SHANK2: variants seen among roughly 807,000 people sequenced by gnomAD.
SHANK2 encodes the protein SH3 and multiple ankyrin repeat domains protein 2.
In SHANK2, 43 loss-of-function variants were observed where a neutral mutation model predicts 133.7. That is an observed-to-expected ratio of 0.32 (90% CI 0.25 to 0.41). SHANK2 has a LOEUF of 0.41. Ranked by LOEUF, SHANK2 falls within the 10% of genes least tolerant of loss-of-function variation. SHANK2 has a pLI of 1.00. For missense variants in SHANK2, 1,994 were observed against 2,235.8 expected, an observed-to-expected ratio of 0.89 and a Z score of 2.18; for synonymous variants, 1,017 against 952.8, an observed-to-expected ratio of 1.07 and a Z score of -1.24.
At chr11:70,599,460 A>G (rs11561013) in intron 17 of SHANK2, among the ~76,000 whole-genome samples, 343 of 121,228 alleles carry the variant, frequency 2.8e-3, no homozygotes, top group East Asian at 5.7e-3. Flanking sequence ...ACAGAAAATT[A>G]GCCGGGCGAG....
At chr11:70,828,680 G>T (rs1383496654) in intron 11 of SHANK2, among the ~76,000 whole-genome samples, 2 of 152,240 alleles carry the variant, frequency 1.3e-5, no homozygotes, top group African/African-American at 4.8e-5. Flanking sequence ...TGGCCTGGCT[G>T]CCTGCCCTGG....
chr11:70,882,335 A>G lies in SHANK2; in HGVS notation c.1174+14166T>C, dbSNP rs1949671638. Among the ~76,000 whole-genome samples the G allele has an allele frequency of 6.6e-6, 1 of 152,222 alleles. No homozygotes were observed. The highest frequency in any genetic ancestry group is 2.1e-4 in the South Asian group (1 of 4,832). On this transcript the variant is annotated intron_variant, in intron 11 of 25. Coordinates refer to ENST00000601538, the MANE Select transcript of SHANK2 (RefSeq NM_012309.5). The surrounding 1 kb of genome is among the most constrained non-coding windows in gnomAD (Gnocchi z 4.2). ...GGCCACTGCAGTGTGGAAGGCAGGC[A>G]GAAAGGCCCCTGGGCTGTGCCTGTA...
chr11:71,162,961 C>T (rs569176222), intron 2 of SHANK2, among the ~76,000 whole-genome samples: 132 of 150,480 alleles, frequency 8.8e-4, no homozygotes, highest in African/African-American at 3.2e-3. Flanking sequence ...TAGTCCCAGC[C>T]ACTCGGGAGG....
chr11:70,798,695 GA>G lies in SHANK2; in HGVS notation c.1664-140del, dbSNP rs1476856772. On this transcript the variant is annotated intron_variant, in intron 13 of 25. Transcript: ENST00000601538. ...CCTGCAGAGCAAGCGGCTCTGGTGT[GA>G]CTGCACTTCCTTCAGCTGCTGACAG... 7.9e-5 allele frequency: 50 copies of G among 631,036 alleles called. No individual in the cohort carries two copies. The East Asian group carries it at 1.4e-3, about 17-fold the overall frequency. 39.1% of individuals were successfully genotyped at this position (631,036 alleles called of 1,614,324 possible).
At chr11:70,662,149 G>T in intron 15 of SHANK2, 1 of 339,534 alleles carries the variant, frequency 2.9e-6, no homozygotes, top group South Asian at 3.0e-5. Context: ...TCAGCCAGAG[G>T]AGAAATGAGG....
intron 17 of SHANK2, among the ~76,000 whole-genome samples, chr11:70,526,766 C>T (rs1189314422): frequency 6.6e-6 from 1 of 152,058 alleles, no homozygotes; most frequent in Non-Finnish European, 1.5e-5. Context: ...CCACTCCTCC[C>T]CCTCCCCTAC....
intron 17 of SHANK2, among the ~76,000 whole-genome samples, chr11:70,519,643 G>A (rs1249841402): frequency 6.6e-6 from 1 of 151,646 alleles, no homozygotes; most frequent in African/African-American, 2.4e-5. Flanking sequence ...GTGAAACTCC[G>A]TCTCAAAAAA....
At chr11:70,562,137 G>A (rs1591583211) in intron 17 of SHANK2, among the ~76,000 whole-genome samples, 2 of 152,248 alleles carry the variant, frequency 1.3e-5, no homozygotes, top group East Asian at 1.9e-4. Context: ...TTTCTAATAC[G>A]ATTCCGTTTT....
chr11:70,473,687 T>G lies in SHANK2; in HGVS notation c.4980-248A>C. On this transcript the variant is annotated intron_variant, in intron 25 of 25. Coordinates refer to ENST00000601538, the MANE Select transcript of SHANK2 (RefSeq NM_012309.5). The surrounding 1 kb of genome is among the most constrained non-coding windows in gnomAD (Gnocchi z 5.9). ...CTCACCTGAACTGGGACAGAGGGGC[T>G]GGGGGACCTGCCTGTGCTGGGGGGA... 2 of 524,492 alleles carry G rather than the reference T, an allele frequency of 3.8e-6. No individual in the cohort carries two copies. Among genetic ancestry groups the G allele is most frequent in the African/African-American group, 2.0e-5 (1 of 50,840 alleles). The allele number at this position is 524,492 out of a possible 1,614,324, so 32.5% of individuals were successfully genotyped here.
At chr11:70,475,333 A>G (rs1251824802) in intron 25 of SHANK2, among the ~76,000 whole-genome samples, 2 of 152,180 alleles carry the variant, frequency 1.3e-5, no homozygotes, top group Non-Finnish European at 2.9e-5. Flanking sequence ...TGAACCTTAG[A>G]GGCCATTTGG....
At chr11:70,835,615 G>T (rs1251055963) in intron 11 of SHANK2, among the ~76,000 whole-genome samples, 1 of 152,168 alleles carries the variant, frequency 6.6e-6, no homozygotes, top group Admixed American at 6.5e-5. Flanking sequence ...AGGAACTAGA[G>T]CTGAGCTGGA....
intron 10 of SHANK2, among the ~76,000 whole-genome samples, chr11:70,918,402 T>G (rs1408331733): frequency 6.6e-6 from 1 of 152,230 alleles, no homozygotes; most frequent in Non-Finnish European, 1.5e-5. Flanking sequence ...CACCCACTTG[T>G]AGTTTCATCA....
At chr11:70,637,280 C>T (rs2061115636) in intron 17 of SHANK2, among the ~76,000 whole-genome samples, 1 of 152,138 alleles carries the variant, frequency 6.6e-6, no homozygotes, top group African/African-American at 2.4e-5. Context: ...GAGGGCAGGG[C>T]CTGCTCTTCC....
chr11:70,608,283 T>C (rs1282922729), intron 17 of SHANK2, among the ~76,000 whole-genome samples: 4 of 152,138 alleles, frequency 2.6e-5, no homozygotes, highest in Non-Finnish European at 5.9e-5. Flanking sequence ...AGAAGGGATA[T>C]TTCTTTCCTC....
chr11:70,652,360 C>A (rs972048964), intron 17 of SHANK2, among the ~76,000 whole-genome samples: 1 of 152,128 alleles, frequency 6.6e-6, no homozygotes, highest in Non-Finnish European at 1.5e-5. Context: ...GGTGGGTGTG[C>A]CCTGTGACTG....
chr11:70,659,100 G>A (rs563494972), intron 17 of SHANK2, among the ~76,000 whole-genome samples: 68 of 152,250 alleles, frequency 4.5e-4, no homozygotes, highest in African/African-American at 1.6e-3. Context: ...ACAAAAAGGC[G>A]AGGTGATCAG....
chr11:70,591,578 C>T (rs1232754998), intron 17 of SHANK2, among the ~76,000 whole-genome samples: 2 of 151,922 alleles, frequency 1.3e-5, no homozygotes, highest in Admixed American at 6.6e-5. Flanking sequence ...AACATCATAG[C>T]TCCATTTTTG....
chr11:70,564,269 T>C (rs916147676), intron 17 of SHANK2, among the ~76,000 whole-genome samples: 2 of 152,004 alleles, frequency 1.3e-5, no homozygotes, highest in African/African-American at 2.4e-5. Context: ...TTCTTTTTTT[T>C]TTTTTTTGAG....
chr11:70,878,312 G>A (rs1430337249), intron 11 of SHANK2, among the ~76,000 whole-genome samples: 1 of 152,180 alleles, frequency 6.6e-6, no homozygotes. Flanking sequence ...ACCTCGACAA[G>A]GTCTAGACCC....
Sources: gnomAD v4.1 joint callset for allele counts (sites outside exome capture counted in the v4.1 genomes callset) on GRCh38, gnomAD v4.1.1 for gene constraint, Gnocchi (gnomAD v3.1) non-coding constraint, MANE v1.5 for transcripts, NCBI Gene and HGNC (gene_info 2026-07-23, HGNC 2026-07-21) for gene names.